PCSK6: variants seen among roughly 807,000 people sequenced by gnomAD.
PCSK6 encodes paired basic amino acid cleaving enzyme 4.
Under a neutral mutation model 123.3 loss-of-function variants are expected in PCSK6, and 85 were observed. That is an observed-to-expected ratio of 0.69 (90% CI 0.58 to 0.83). The LOEUF is 0.83. Ranked by LOEUF, PCSK6 falls within the 40% of genes least tolerant of loss-of-function variation. The pLI is 0.00. For synonymous variants in PCSK6, 508 were observed against 516.0 expected, an observed-to-expected ratio of 0.98 and a Z score of 0.21; for missense variants, 1,191 against 1,282.3, an observed-to-expected ratio of 0.93 and a Z score of 1.09.
At chr15:101,447,021 G>A (rs747936809) in intron 1 of PCSK6, among the ~76,000 whole-genome samples, 3 of 152,180 alleles carry the variant, frequency 2.0e-5, no homozygotes, top group Admixed American at 6.5e-5. Context: ...CAGGAGGCAG[G>A]AGCAGCTGCC....
At chr15:101,365,274 G>GA in intron 13 of PCSK6, among the ~76,000 whole-genome samples, 1 of 152,096 alleles carries the variant, frequency 6.6e-6, no homozygotes. Context: ...AGCAACAGAA[G>GA]AAAAAATAAA....
At chr15:101,326,954 G>A (rs1447124242) in intron 15 of PCSK6, among the ~76,000 whole-genome samples, 1 of 151,698 alleles carries the variant, frequency 6.6e-6, no homozygotes, top group Non-Finnish European at 1.5e-5. Context: ...TGAGCCAGGA[G>A]GAATTAGGTA....
intron 7 of PCSK6, among the ~76,000 whole-genome samples, chr15:101,397,776 C>T (rs1033386795): frequency 8.5e-5 from 13 of 152,386 alleles, no homozygotes; most frequent in South Asian, 4.1e-4. Flanking sequence ...CACAAGGATC[C>T]GGAACCAAAG....
chr15:101,408,222 T>A (rs1182261807), intron 6 of PCSK6, among the ~76,000 whole-genome samples: 1 of 152,178 alleles, frequency 6.6e-6, no homozygotes, highest in African/African-American at 2.4e-5. Flanking sequence ...TGAACGGACC[T>A]CTGAAGGGGA....
chr15:101,440,205 T>G (rs1196300949), intron 2 of PCSK6, among the ~76,000 whole-genome samples: 1 of 152,226 alleles, frequency 6.6e-6, no homozygotes, highest in East Asian at 1.9e-4. Context: ...GACCGATAAC[T>G]GCACACTGCG....
At chr15:101,487,714 G>C (rs891213408) in intron 1 of PCSK6, among the ~76,000 whole-genome samples, 2 of 152,140 alleles carry the variant, frequency 1.3e-5, no homozygotes, top group Non-Finnish European at 2.9e-5. Flanking sequence ...GCACAGCAGC[G>C]AAGTGTGGCA....
chr15:101,487,169 G>A (rs556373628), intron 1 of PCSK6, among the ~76,000 whole-genome samples: 5 of 152,324 alleles, frequency 3.3e-5, no homozygotes, highest in East Asian at 1.9e-4. Context: ...AGAAAAGCTC[G>A]TTTTGGAATA....
Position 101,370,534 on chromosome 15 carries a change from AG to A in PCSK6, c.1533-12del, listed in dbSNP as rs2041550906. ...ACTAAGGGGATGCTCCTGGGGGAGA[AG>A]GGAGGGCTCAGCACTTGGCACCGGA... is the stretch of plus-strand genomic sequence containing the variant. On this transcript the variant is annotated splice_polypyrimidine_tract_variant and intron_variant, in intron 11 of 21. Coordinates refer to ENST00000611716, the MANE Select transcript of PCSK6 (RefSeq NM_002570.5). 9 of 1,456,686 alleles carry A rather than the reference AG, an allele frequency of 6.2e-6. No individual in the cohort carries two copies. The East Asian group carries it at 2.4e-4, about 38-fold the overall frequency. The allele number at this position is 1,456,686 out of a possible 1,614,324, so 90.2% of individuals were successfully genotyped here. A position where few individuals can be genotyped will look rare whatever the true frequency, so the allele number is the denominator to read the frequency against.
At chr15:101,433,641 T>A (rs1414944275) in intron 2 of PCSK6, among the ~76,000 whole-genome samples, 2 of 152,210 alleles carry the variant, frequency 1.3e-5, no homozygotes, top group East Asian at 3.9e-4. Context: ...GGCCCCAAGG[T>A]GACCCAAGGC....
intron 20 of PCSK6, chr15:101,307,709 C>T (rs1158091399): frequency 3.8e-5 from 8 of 209,818 alleles, no homozygotes; most frequent in East Asian, 1.3e-4. Context: ...TGCCGGGCTG[C>T]GATGGCTGTA....
At chr15:101,320,474 G>C (rs1463801332) in intron 18 of PCSK6, among the ~76,000 whole-genome samples, 1 of 152,204 alleles carries the variant, frequency 6.6e-6, no homozygotes, top group African/African-American at 2.4e-5. Flanking sequence ...GGCTACCAGA[G>C]GTGAAGTGTG....
chr15:101,398,280 C>A lies in PCSK6; in HGVS notation c.996+124G>T. ...GACTCCTCCACACTGGCCCTGGCAC[C>A]TGTCACAGCAGAGTCTTCCCTGTCT... On this transcript the variant is annotated intron_variant, in intron 7 of 21. Coordinates refer to ENST00000611716, the MANE Select transcript of PCSK6 (RefSeq NM_002570.5). The surrounding 1 kb of genome is among the most constrained non-coding windows in gnomAD (Gnocchi z 4.6). 1 of 1,211,462 alleles carries A rather than the reference C, an allele frequency of 8.3e-7. No homozygotes were observed. Among genetic ancestry groups the A allele is most frequent in the South Asian group, 1.6e-5 (1 of 61,400 alleles). The allele number at this position is 1,211,462 out of a possible 1,614,324, so 75.0% of individuals were successfully genotyped here. A position where few individuals can be genotyped will look rare whatever the true frequency, so the allele number is the denominator to read the frequency against.
At chr15:101,313,341 C>G (rs541233943) in intron 20 of PCSK6, 35 bp downstream of exon 20, 2 of 1,612,606 alleles carry the variant, frequency 1.2e-6, no homozygotes, top group South Asian at 2.2e-5. Flanking sequence ...TTGCTGGACA[C>G]AGCTGCCTGC....
chr15:101,419,908 T>C (rs2056022792), intron 6 of PCSK6, among the ~76,000 whole-genome samples: 1 of 151,920 alleles, frequency 6.6e-6, no homozygotes. Context: ...ACAGAAAGGC[T>C]GGTTGTAGTG....
At position 101,370,614 on chromosome 15, in the gene PCSK6, C is replaced by G. The variant is rs926896100; in HGVS notation, c.1533-91G>C. On this transcript the variant is annotated intron_variant, in intron 11 of 21. Transcript: ENST00000611716. ...AGCTCCAGCGCCCGTCCACTCTATC[C>G]CCACTGCAGCCTCAGGGCCCTGCGG... is the stretch of plus-strand genomic sequence containing the variant. 4.1e-6 allele frequency: 5 copies of G among 1,212,126 alleles called. No individual in the cohort carries two copies. The African/African-American group carries it at 7.8e-5, about 19-fold the overall frequency. The allele number at this position is 1,212,126 out of a possible 1,614,324, so 75.1% of individuals were successfully genotyped here.
At chr15:101,457,520 A>G (rs2057219588) in intron 1 of PCSK6, among the ~76,000 whole-genome samples, 1 of 152,238 alleles carries the variant, frequency 6.6e-6, no homozygotes, top group Non-Finnish European at 1.5e-5. Context: ...ACAAGGATGC[A>G]GCTCCCTTTG....
At position 101,448,570 on chromosome 15, in the gene PCSK6, A is replaced by C. The variant is rs115793783; in HGVS notation, c.298-4910T>G. On this transcript the variant is annotated intron_variant, in intron 1 of 21. Coordinates refer to ENST00000611716, the MANE Select transcript of PCSK6 (RefSeq NM_002570.5). ...GCTGGGCACATGCCCCATTCCAGGCAGCAAGCTTGGAGTTCAGATGAATTA... is the reference window on the plus strand; with the variant it reads ...GCTGGGCACATGCCCCATTCCAGGCCGCAAGCTTGGAGTTCAGATGAATTA... 5.3e-3 allele frequency among the ~76,000 whole-genome samples: 803 copies of C among 152,356 alleles called. 5 individuals carry two copies. The highest frequency in any genetic ancestry group is 0.019 in the African/African-American group (775 of 41,582).
chr15:101,383,669 T>C (rs1567179168), intron 10 of PCSK6, among the ~76,000 whole-genome samples: 2 of 152,114 alleles, frequency 1.3e-5, no homozygotes, highest in African/African-American at 2.4e-5. Flanking sequence ...AATGTCCTCA[T>C]TGTACAGATG....
At chr15:101,346,901 G>T (rs2040745778) in intron 13 of PCSK6, 2 of 1,231,678 alleles carry the variant, frequency 1.6e-6, no homozygotes, top group South Asian at 4.1e-5. Flanking sequence ...AGATAAGTGG[G>T]GATACATACT....
Sources: allele counts gnomAD v4.1 joint callset (sites outside exome capture counted in the v4.1 genomes callset), GRCh38; gene constraint gnomAD v4.1.1; non-coding constraint Gnocchi (gnomAD v3.1); transcripts MANE v1.5; gene names NCBI Gene and HGNC (gene_info 2026-07-23, HGNC 2026-07-21).